STARD7: variants seen among roughly 807,000 people sequenced by gnomAD.
The protein encoded by STARD7 is stAR-related lipid transfer protein 7, mitochondrial.
A neutral mutation model predicts 45.3 loss-of-function variants in STARD7; 30 were observed. The ratio of observed to expected loss-of-function variants is 0.66; its 90% CI spans 0.50 to 0.90. The LOEUF is 0.90. Ranked by LOEUF, STARD7 falls within the 40% of genes least tolerant of loss-of-function variation. The pLI is 0.00. For missense variants in STARD7, 495 were observed against 491.3 expected (o/e 1.01, Z -0.07); for synonymous variants, 199 against 183.0 (o/e 1.09, Z -0.70).
At chr2:96,198,689 T>C (rs1683260436) in intron 1 of STARD7, among the ~76,000 whole-genome samples, 1 of 152,162 alleles carries the variant, frequency 6.6e-6, no homozygotes, top group African/African-American at 2.4e-5. Flanking sequence ...TGCATAAAAG[T>C]TTTTAATTTT....
chr2:96,192,712 G>A (rs560856017), intron 5 of STARD7, among the ~76,000 whole-genome samples: 22 of 152,288 alleles, frequency 1.4e-4, no homozygotes, highest in South Asian at 2.1e-4. Flanking sequence ...TTGAGGCCAG[G>A]AGTCCAAGAC....
chr2:96,193,368 A>G lies in STARD7; in HGVS notation c.550-16T>C. On this transcript the variant is annotated splice_polypyrimidine_tract_variant and intron_variant, in intron 3 of 7. Coordinates refer to ENST00000337288, the MANE Select transcript of STARD7 (RefSeq NM_020151.4). ...CTGTGTCCAGCTGCAGAAAGAGAAA[A>G]GACCATGAATACCCAAGAAGACCCA... is the stretch of plus-strand genomic sequence containing the variant. 1 of 1,562,644 alleles carries G rather than the reference A, an allele frequency of 6.4e-7. No individual in the cohort carries two copies. The highest frequency in any genetic ancestry group is 8.8e-7 in the Non-Finnish European group (1 of 1,133,340).
At chr2:96,207,631 G>A (rs954428173) in intron 1 of STARD7, among the ~76,000 whole-genome samples, 1 of 152,196 alleles carries the variant, frequency 6.6e-6, no homozygotes, top group Non-Finnish European at 1.5e-5. Flanking sequence ...GCTGGTTTGT[G>A]TAACCTGGAC....
intron 1 of STARD7, among the ~76,000 whole-genome samples, chr2:96,204,323 G>C (rs1365327405): frequency 2.6e-5 from 4 of 151,906 alleles, no homozygotes; most frequent in African/African-American, 7.3e-5. Flanking sequence ...GGGAGGCCGA[G>C]ACAGGCGGAT....
chr2:96,195,448 T>C lies in STARD7; in HGVS notation c.392A>G (p.Asn131Ser), dbSNP rs1386513888. ...PPEPKAQTEGNEDSEGKEQRW... is the reference protein window; with the variant it reads ...PPEPKAQTEGSEDSEGKEQRW... ...TTGCTCTTTGCCCTCTGAATCTTCA[T>C]TCCCTTCTGTTTGGGCTTTTGGTTC... Residue 131 changes from asparagine to serine, a missense_variant, in exon 2 of 8, where the codon AAT becomes AGT. Asn to Ser is a conservative substitution (Grantham distance 46). Transcript: ENST00000337288. 3.7e-6 allele frequency: 6 copies of C among 1,613,610 alleles called. No homozygotes were observed. The highest frequency in any genetic ancestry group is 2.5e-6 in the Non-Finnish European group (3 of 1,179,756).
At chr2:96,196,127 A>G (rs987512835) in intron 1 of STARD7, among the ~76,000 whole-genome samples, 2 of 150,124 alleles carry the variant, frequency 1.3e-5, no homozygotes, top group South Asian at 4.2e-4. Context: ...AAAAAAAAAA[A>G]AACAAAAAAC....
At chr2:96,189,312 T>C (rs72825854) in intron 6 of STARD7, among the ~76,000 whole-genome samples, 21,268 of 152,154 alleles carry the variant, frequency 0.14, 1,709 homozygotes, top group South Asian at 0.24. Context: ...CTACATTTCA[T>C]TGCTGGGGAA....
At chr2:96,195,187 A>G (rs1453778014) in intron 2 of STARD7, 154 bp downstream of exon 2, 1 of 820,138 alleles carries the variant, frequency 1.2e-6, no homozygotes, top group African/African-American at 1.7e-5. Flanking sequence ...GACAACACTG[A>G]GACATTTGTC....
At chr2:96,207,685 C>G (rs1558738870) in intron 1 of STARD7, among the ~76,000 whole-genome samples, 1 of 152,200 alleles carries the variant, frequency 6.6e-6, no homozygotes, top group African/African-American at 2.4e-5. Context: ...GTCACGATGA[C>G]AGAGGGCTCT....
At chr2:96,189,766 G>T (rs1462938347) in intron 6 of STARD7, among the ~76,000 whole-genome samples, 2 of 150,048 alleles carry the variant, frequency 1.3e-5, no homozygotes, top group Non-Finnish European at 3.0e-5. Flanking sequence ...AAGACAAAAA[G>T]ACCACAAAAT....
At chr2:96,186,948 T>C (rs745857509) in intron 7 of STARD7, 34 bp from the exon 8 acceptor site, 41 of 1,582,860 alleles carry the variant, frequency 2.6e-5, no homozygotes, top group Non-Finnish European at 2.9e-5. Flanking sequence ...TAAGCTGACA[T>C]ACAAACCAAC....
chr2:96,194,899 T>A, intron 3 of STARD7, 59 bp downstream of exon 3: 1 of 1,397,672 alleles, frequency 7.2e-7, no homozygotes, highest in Non-Finnish European at 1.0e-6. Context: ...ATGATTCATG[T>A]AGACAGTAGC....
At position 96,208,380 on chromosome 2, in the gene STARD7, G is replaced by A. The variant is rs777663744; in HGVS notation, c.55C>T (p.Leu19=). 3.0e-5 allele frequency: 45 copies of A among 1,511,698 alleles called. No homozygotes were observed. The highest frequency in any genetic ancestry group is 1.7e-4 in the Admixed American group (8 of 45,838). 93.6% of individuals were successfully genotyped at this position (1,511,698 alleles called of 1,614,324 possible). The change falls in exon 1 of 8, where the codon CTG becomes TTG. Residue 19 remains leucine (L), a synonymous_variant. Transcript: ENST00000337288. ...AWLAGTRGGG[L]LALLANQCRF... is the part of the protein sequence containing the mutation. Reference sequence around the variant, plus strand: ...CACTGATTGGCCAGAAGCGCCAGCAGGCCCCCGCCCCGCGTCCCCGCCAGC... The same window carrying A: ...CACTGATTGGCCAGAAGCGCCAGCAAGCCCCCGCCCCGCGTCCCCGCCAGC...
At position 96,208,293 on chromosome 2, in the gene STARD7, G is replaced by C. The variant is rs933705162; in HGVS notation, c.142C>G (p.Leu48Val). The C allele has an allele frequency of 1.2e-6, 2 of 1,610,156 alleles. No individual in the cohort carries two copies. Among genetic ancestry groups the C allele is most frequent in the Non-Finnish European group, 1.7e-6 (2 of 1,179,026 alleles). The change falls in exon 1 of 8, where the codon CTC becomes GTC. Residue 48 changes from leucine (L) to valine (V), a missense_variant. By Grantham distance (32) the Leu-to-Val change is conservative. Around this residue, in one of 2 missense-constraint regions of STARD7, gnomAD observed 282 missense variants for 220.1 expected, o/e 1.28. Coordinates refer to ENST00000337288, the MANE Select transcript of STARD7 (RefSeq NM_020151.4). ...AQQIAQLYGR[L>V]YSESSRRVLL... Reference sequence around the variant, plus strand: ...ACGCGGCGTGAGCTCTCGGAGTAGAGGCGGCCGTAGAGCTGCGCGATCTGC... The same window carrying C: ...ACGCGGCGTGAGCTCTCGGAGTAGACGCGGCCGTAGAGCTGCGCGATCTGC...
At chr2:96,199,026 T>C (rs1303965020) in intron 1 of STARD7, among the ~76,000 whole-genome samples, 1 of 152,364 alleles carries the variant, frequency 6.6e-6, no homozygotes, top group African/African-American at 2.4e-5. Flanking sequence ...AATTTTATTC[T>C]AACAATCTAG....
At chr2:96,193,042 A>G (rs989980972) in intron 5 of STARD7, 36 bp downstream of exon 5, 21 of 1,514,220 alleles carry the variant, frequency 1.4e-5, no homozygotes, top group Non-Finnish European at 1.8e-5. Context: ...CCACAGCTAA[A>G]GGAACTCGGC....
At chr2:96,187,149 A>T in intron 7 of STARD7, 68 bp downstream of exon 7, 2 of 1,220,902 alleles carry the variant, frequency 1.6e-6, no homozygotes, top group Non-Finnish European at 2.4e-6. Flanking sequence ...TTATTTCCCC[A>T]TTAGGAAATA....
At chr2:96,201,201 C>T (rs896952491) in intron 1 of STARD7, among the ~76,000 whole-genome samples, 1 of 151,964 alleles carries the variant, frequency 6.6e-6, no homozygotes, top group Non-Finnish European at 1.5e-5. Context: ...GTAAACATTA[C>T]ATACATTACA....
intron 1 of STARD7, among the ~76,000 whole-genome samples, chr2:96,200,787 A>C (rs1160139964): frequency 6.6e-6 from 1 of 152,146 alleles, no homozygotes; most frequent in African/African-American, 2.4e-5. Flanking sequence ...AGTAGCTGGC[A>C]CAATAGGCGT....
Sources: allele counts gnomAD v4.1 joint callset (sites outside exome capture counted in the v4.1 genomes callset), GRCh38; gene constraint gnomAD v4.1.1; regional missense constraint gnomAD v4.1.1; transcripts MANE v1.5; gene names NCBI Gene and HGNC (gene_info 2026-07-23, HGNC 2026-07-21).